Variants in CDC37L1 observed in about 807,000 individuals in gnomAD.
CDC37L1 encodes the protein cell division cycle 37 like 1, HSP90 cochaperone.
A neutral mutation model predicts 45.9 loss-of-function variants in CDC37L1; 32 were observed. The observed-to-expected ratio is 0.70, with a 90% CI of 0.53 to 0.94. CDC37L1 has a LOEUF of 0.94. CDC37L1 is among the 40% of genes least tolerant of loss of function. CDC37L1 has a pLI of 0.00. For missense variants in CDC37L1, 434 were observed against 405.7 expected, an observed-to-expected ratio of 1.07 and a Z score of -0.60; for synonymous variants, 150 against 133.0, an observed-to-expected ratio of 1.13 and a Z score of -0.88.
At chr9:4,683,207 G>A (rs911754505) in intron 1 of CDC37L1, among the ~76,000 whole-genome samples, 2 of 150,242 alleles carry the variant, frequency 1.3e-5, no homozygotes, top group Admixed American at 6.7e-5. Flanking sequence ...CCTGCTGAAT[G>A]AGTAAATAAA....
intron 5 of CDC37L1, 91 bp downstream of exon 5, chr9:4,697,970 A>T: frequency 6.4e-6 from 7 of 1,096,920 alleles, no homozygotes; most frequent in African/African-American, 1.6e-5. Flanking sequence ...GCATCCAAGC[A>T]GGATGCCACA....
intron 5 of CDC37L1, 41 bp downstream of exon 5, chr9:4,697,920 C>T (rs1841362565): frequency 2.5e-6 from 4 of 1,599,374 alleles, no homozygotes; most frequent in African/African-American, 1.3e-5. Flanking sequence ...AAGATTTGGT[C>T]CCAGCTGAGA....
intron 1 of CDC37L1, among the ~76,000 whole-genome samples, chr9:4,680,735 G>C (rs1841184559): frequency 6.6e-6 from 1 of 152,152 alleles, no homozygotes; most frequent in Non-Finnish European, 1.5e-5. Flanking sequence ...CAGAATCACA[G>C]ACTAAACACT....
intron 5 of CDC37L1, among the ~76,000 whole-genome samples, chr9:4,701,457 T>G (rs140800485): frequency 7.2e-5 from 11 of 152,302 alleles, no homozygotes; most frequent in African/African-American, 2.6e-4. Flanking sequence ...TGTTGGAGAA[T>G]TAAAAGGTTT....
Position 4,685,106 on chromosome 9 carries a change from A to C in CDC37L1, c.362A>C (p.Glu121Ala), listed in dbSNP as rs1841234781. The C allele has an allele frequency of 7.4e-6, 12 of 1,613,770 alleles. No homozygotes were observed. The highest frequency in any genetic ancestry group is 1.0e-5 in the Non-Finnish European group (12 of 1,179,762). Residue 121 changes from glutamate to alanine, a missense_variant, in exon 2 of 7, where the codon GAG becomes GCG. Coordinates refer to ENST00000381854, the MANE Select transcript of CDC37L1 (RefSeq NM_017913.4). ...AAAGAAGAAGCTCTAGTACAAAGAG[A>C]GAAGATGTGTCTGTGGAGCACGGAT... ...RQKEEALVQR[E>A]KMCLWSTDAI... is the part of the protein sequence containing the mutation.
At chr9:4,700,202 C>CTAGA (rs1299842151) in intron 5 of CDC37L1, among the ~76,000 whole-genome samples, 1 of 152,200 alleles carries the variant, frequency 6.6e-6, no homozygotes, top group Non-Finnish European at 1.5e-5. Flanking sequence ...GTCACTCAGG[C>CTAGA]TAGAGTGCAG....
intron 2 of CDC37L1, among the ~76,000 whole-genome samples, chr9:4,688,249 C>A (rs547953881): frequency 6.6e-6 from 1 of 152,194 alleles, no homozygotes; most frequent in African/African-American, 2.4e-5. Flanking sequence ...CCACCCGCCT[C>A]GGCCTCCCAA....
At chr9:4,699,577 ATAAAG>A (rs1466452071) in intron 5 of CDC37L1, among the ~76,000 whole-genome samples, 1 of 152,144 alleles carries the variant, frequency 6.6e-6, no homozygotes, top group Non-Finnish European at 1.5e-5. Flanking sequence ...GTATTTTTTT[ATAAAG>A]TATTTTTTTA....
chr9:4,685,541 C>A (rs540066808), intron 2 of CDC37L1: 24 of 159,020 alleles, frequency 1.5e-4, no homozygotes, highest in Non-Finnish European at 2.4e-4. Flanking sequence ...TCCTTTAATG[C>A]AACTACCTTC....
chr9:4,701,591 T>C (rs1031081674), intron 5 of CDC37L1, among the ~76,000 whole-genome samples: 1 of 152,164 alleles, frequency 6.6e-6, no homozygotes, highest in Non-Finnish European at 1.5e-5. Context: ...AAAGCCTTCT[T>C]TTCTTTTAGT....
intron 2 of CDC37L1, among the ~76,000 whole-genome samples, chr9:4,688,187 A>G (rs973651574): frequency 6.6e-6 from 1 of 152,078 alleles, no homozygotes; most frequent in African/African-American, 2.4e-5. Flanking sequence ...TTTAGTAGAG[A>G]CGGGGTTTCA....
At chr9:4,697,726 T>C (rs759540796) in intron 4 of CDC37L1, 31 bp from the exon 5 acceptor site, 2 of 1,074,880 alleles carry the variant, frequency 1.9e-6, no homozygotes, top group Middle Eastern at 2.6e-4. Flanking sequence ...ATTTATATAT[T>C]TGTTTCTTAT....
At chr9:4,688,769 T>G (rs951906648) in intron 3 of CDC37L1, among the ~76,000 whole-genome samples, 163 bp downstream of exon 3, 5 of 152,076 alleles carry the variant, frequency 3.3e-5, no homozygotes, top group African/African-American at 1.2e-4. Flanking sequence ...TTTTTTTTTT[T>G]TTGGTTATAA....
Position 4,701,917 on chromosome 9 carries a change from G to A in CDC37L1, c.801G>A (p.Lys267=), listed in dbSNP as rs1021858150. The A allele has an allele frequency of 6.2e-7, 1 of 1,605,616 alleles. No individual in the cohort carries two copies. Among genetic ancestry groups the A allele is most frequent in the Non-Finnish European group, 8.5e-7 (1 of 1,176,900 alleles). The change falls in exon 6 of 7, where the codon AAG becomes AAA. Residue 267 remains lysine (K), a synonymous_variant. Coordinates refer to ENST00000381854, the MANE Select transcript of CDC37L1 (RefSeq NM_017913.4). ...TCAAAAATGAACTTGAAGCTTTCAA[G>A]TCAAGAGTAAGACTTTATTCTCAAT... is the stretch of plus-strand genomic sequence containing the variant. ...EAFKNELEAF[K]SRVRLYSQSQ...
intron 5 of CDC37L1, 36 bp downstream of exon 5, chr9:4,697,915 T>G (rs1841362497): frequency 6.2e-7 from 1 of 1,607,340 alleles, no homozygotes; most frequent in Non-Finnish European, 8.5e-7. Context: ...ATGGGAAGAT[T>G]TGGTCCCAGC....
In CDC37L1 at chr9:4,684,928, A is replaced by C; in HGVS notation, c.184A>C (p.Lys62Gln). ...LACQKQKEFV[K>Q]SSVACKWNLA... ...TTGCCAAAAGCAGAAAGAGTTTGTG[A>C]AGAGCTCTGTGGCGTGCAAATGGAA... The change falls in exon 2 of 7, where the codon AAG becomes CAG. Residue 62 changes from lysine (K) to glutamine (Q), a missense_variant. Transcript: ENST00000381854. 1 of 1,613,374 alleles carries C rather than the reference A, an allele frequency of 6.2e-7. No individual in the cohort carries two copies. The highest frequency in any genetic ancestry group is 1.3e-5 in the African/African-American group (1 of 74,866).
At chr9:4,689,016 G>C (rs1841276807) in intron 3 of CDC37L1, among the ~76,000 whole-genome samples, 1 of 151,808 alleles carries the variant, frequency 6.6e-6, no homozygotes, top group African/African-American at 2.4e-5. Context: ...GCAGATCCTT[G>C]AACTGTTACT....
At chr9:4,687,551 C>A (rs1377027265) in intron 2 of CDC37L1, among the ~76,000 whole-genome samples, 4 of 151,898 alleles carry the variant, frequency 2.6e-5, no homozygotes, top group African/African-American at 9.7e-5. Context: ...TGGTGGCTCA[C>A]ACCTGTAGTC....
In CDC37L1 at chr9:4,684,869, T is replaced by G; in HGVS notation, c.133-8T>G. 3 of 1,596,418 alleles carry G rather than the reference T, an allele frequency of 1.9e-6. No individual in the cohort carries two copies. The highest frequency in any genetic ancestry group is 2.6e-6 in the Non-Finnish European group (3 of 1,167,260). On this transcript the variant is annotated splice_region_variant and splice_polypyrimidine_tract_variant and intron_variant, in intron 1 of 6. Coordinates refer to ENST00000381854, the MANE Select transcript of CDC37L1 (RefSeq NM_017913.4). ...TCTTCATTTCTTACAAATATTGTTT[T>G]TATCCAGATGTATAGCCATGGAATT...
Sources: allele counts gnomAD v4.1 joint callset (sites outside exome capture counted in the v4.1 genomes callset), GRCh38; gene constraint gnomAD v4.1.1; transcripts MANE v1.5; gene names NCBI Gene and HGNC (gene_info 2026-07-23, HGNC 2026-07-21).